Variants in RABGAP1L observed in about 807,000 individuals in gnomAD.
RABGAP1L encodes rab GTPase-activating protein 1-like.
In RABGAP1L, 63 loss-of-function variants were observed where a neutral mutation model predicts 137.7. The ratio of observed to expected loss-of-function variants is 0.46; its 90% confidence interval spans 0.37 to 0.56. The LOEUF (loss-of-function observed/expected upper bound fraction) is 0.56. Ranked by LOEUF, RABGAP1L falls within the 20% of genes least tolerant of loss-of-function variation. The pLI is 0.00. For missense variants in RABGAP1L, 1,095 were observed against 1,244.0 expected (o/e 0.88, Z 1.80); for synonymous variants, 431 against 433.7 (o/e 0.99, Z 0.08).
At chr1:174,976,239 C>T (rs2149377706) in intron 22 of RABGAP1L, 57 bp downstream of exon 22, 1 of 1,353,646 alleles carries the variant, frequency 7.4e-7, no homozygotes, top group South Asian at 1.3e-5. Context: ...AGGGAATTAA[C>T]ACTATAAAAA....
In RABGAP1L at chr1:174,613,719, T is replaced by G. The variant is rs558163620; in HGVS notation, c.1711-23656T>G. Among the ~76,000 whole-genome samples the G allele has an allele frequency of 3.9e-5, 6 of 152,360 alleles. No individual in the cohort carries two copies. In the East Asian group the frequency reaches 1.2e-3, roughly 29 times the overall value. On this transcript the variant is annotated intron_variant, in intron 13 of 25. Transcript: ENST00000681986. ...GTCTCTTTGTAGGTTACTCAGGACT[T>G]GCATTATGAATCTGGGTGCTCCTGT...
At chr1:174,199,864 T>G (rs1667976436) in intron 1 of RABGAP1L, among the ~76,000 whole-genome samples, 1 of 152,126 alleles carries the variant, frequency 6.6e-6, no homozygotes. Flanking sequence ...AACTGAAAAA[T>G]CCATGAAGGA....
At chr1:174,815,295 A>G (rs571065038) in intron 19 of RABGAP1L, among the ~76,000 whole-genome samples, 40 of 152,186 alleles carry the variant, frequency 2.6e-4, no homozygotes, top group Admixed American at 4.6e-4. Context: ...TTAGGAGATG[A>G]TGGACTTATA....
chr1:174,327,182 A>G (rs563415431), intron 11 of RABGAP1L, among the ~76,000 whole-genome samples: 1 of 152,368 alleles, frequency 6.6e-6, no homozygotes, highest in East Asian at 1.9e-4. Context: ...TAATGCAGTG[A>G]TTGTGGGACA....
At chr1:174,512,074 G>A (rs1215208366) in intron 13 of RABGAP1L, among the ~76,000 whole-genome samples, 1 of 152,100 alleles carries the variant, frequency 6.6e-6, no homozygotes, top group Non-Finnish European at 1.5e-5. Context: ...ATAATGTATA[G>A]TGATCAGGGT....
intron 19 of RABGAP1L, chr1:174,849,658 T>C (rs939394552): frequency 7.4e-6 from 3 of 404,314 alleles, no homozygotes; most frequent in Non-Finnish European, 1.4e-5. Flanking sequence ...TAGGAATTTG[T>C]TGTGATTTTC....
chr1:174,705,483 C>A (rs946753746), intron 17 of RABGAP1L: 1 of 152,168 alleles, frequency 6.6e-6, no homozygotes, highest in Non-Finnish European at 1.5e-5. Flanking sequence ...ATAAGAACAT[C>A]ATAGATATTA....
chr1:174,651,746 G>A (rs114209142), intron 14 of RABGAP1L, among the ~76,000 whole-genome samples: 3,401 of 152,196 alleles, frequency 0.022, 57 homozygotes, highest in Middle Eastern at 0.085. Flanking sequence ...GGTGAGATGC[G>A]TTTCTTGAAT....
chr1:174,670,445 T>C (rs1677089202), intron 14 of RABGAP1L, among the ~76,000 whole-genome samples: 1 of 152,152 alleles, frequency 6.6e-6, no homozygotes, highest in Non-Finnish European at 1.5e-5. Context: ...TAAGTTATTA[T>C]TAACTATAGT....
intron 13 of RABGAP1L, among the ~76,000 whole-genome samples, chr1:174,532,740 A>G (rs956519722): frequency 2.0e-5 from 3 of 152,196 alleles, no homozygotes; most frequent in Admixed American, 1.3e-4. Flanking sequence ...TATCTCATCC[A>G]GATAGTGTAT....
chr1:174,742,496 G>C (rs1028514159), intron 17 of RABGAP1L, among the ~76,000 whole-genome samples: 1 of 152,150 alleles, frequency 6.6e-6, no homozygotes, highest in South Asian at 2.1e-4. Context: ...CAGCCTAAGC[G>C]ACAGAGCAAG....
At chr1:174,348,804 A>G (rs1342456327) in intron 11 of RABGAP1L, among the ~76,000 whole-genome samples, 144 of 151,640 alleles carry the variant, frequency 9.5e-4, no homozygotes, top group African/African-American at 3.3e-3. Flanking sequence ...GGATCCCAAG[A>G]CAGAGGAATT....
In RABGAP1L at chr1:174,994,823, C is replaced by CT. The variant is rs1672274549; in HGVS notation, c.*4825dup. On this transcript the variant is annotated 3_prime_UTR_variant, in exon 26 of 26. Transcript: ENST00000681986. ...CACTTCCTTTCTTTCTAACTCCTAC[C>CT]TTTCCCTTGCAGAGGAGGTAGTAGA... is the stretch of plus-strand genomic sequence containing the variant. The CT allele has an allele frequency of 6.6e-6, 1 of 152,218 alleles. No individual in the cohort carries two copies. Among genetic ancestry groups the CT allele is most frequent in the South Asian group, 2.1e-4 (1 of 4,830 alleles). The allele number at this position is 152,218 out of a possible 1,614,324, so 9.4% of individuals were successfully genotyped here.
chr1:174,889,936 C>T (rs932781225), intron 19 of RABGAP1L, among the ~76,000 whole-genome samples: 1 of 152,020 alleles, frequency 6.6e-6, no homozygotes, highest in African/African-American at 2.4e-5. Context: ...GAGGGAGCCT[C>T]ACTATGTTGC....
At chr1:174,303,577 A>G (rs896752786) in intron 10 of RABGAP1L, among the ~76,000 whole-genome samples, 1 of 152,218 alleles carries the variant, frequency 6.6e-6, no homozygotes, top group East Asian at 1.9e-4. Flanking sequence ...AATGAATGCT[A>G]ATATGAACCA....
At chr1:174,584,673 C>G (rs575023962) in intron 13 of RABGAP1L, among the ~76,000 whole-genome samples, 21 of 152,288 alleles carry the variant, frequency 1.4e-4, no homozygotes, top group African/African-American at 4.8e-4. Flanking sequence ...CTTGGTATCT[C>G]AGATGATAGA....
chr1:174,409,661 A>G (rs1444254251), intron 13 of RABGAP1L, among the ~76,000 whole-genome samples: 1 of 152,168 alleles, frequency 6.6e-6, no homozygotes, highest in African/African-American at 2.4e-5. Flanking sequence ...AGCAAGGAAT[A>G]TTAATAATTA....
rs1224863422 is a variant in RABGAP1L, at chr1:174,490,572, A to G, written c.1710+96427A>G. 3.9e-5 allele frequency among the ~76,000 whole-genome samples: 6 copies of G among 152,104 alleles called. 1 individual carries two copies. The highest frequency in any genetic ancestry group is 2.0e-4 in the Admixed American group (3 of 15,284). On this transcript the variant is annotated intron_variant, in intron 13 of 25. Coordinates refer to ENST00000681986, the MANE Select transcript of RABGAP1L (RefSeq NM_001366446.1). ...TCACTCAAGGCCCAGTATAACCACT[A>G]CCAGGTTATCGCCTATGTTCTCTGA...
Position 174,195,986 on chromosome 1 carries a change from C to T in RABGAP1L, c.-33-23139C>T, listed in dbSNP as rs191872241. ...GAGTAGCTGGGATTACAGGCATGCA[C>T]CACCATGCCTGGCTAATTTTTTGTA... On this transcript the variant is annotated intron_variant, in intron 1 of 25. Coordinates refer to ENST00000681986, the MANE Select transcript of RABGAP1L (RefSeq NM_001366446.1). Among the ~76,000 whole-genome samples the T allele has an allele frequency of 1.4e-3, 214 of 150,744 alleles. 1 individual carries two copies. Among genetic ancestry groups the T allele is most frequent in the South Asian group, 3.8e-3 (18 of 4,770 alleles).
Sources: gnomAD v4.1 joint callset for allele counts (sites outside exome capture counted in the v4.1 genomes callset) on GRCh38, gnomAD v4.1.1 for gene constraint, MANE v1.5 for transcripts, NCBI Gene and HGNC (gene_info 2026-07-23, HGNC 2026-07-21) for gene names.